RSPO2: variants seen among roughly 807,000 people sequenced by gnomAD.
RSPO2 encodes R-spondin 2.
A neutral mutation model predicts 30.9 loss-of-function variants in RSPO2; 14 were observed. The observed-to-expected ratio is 0.45, with a 90% confidence interval of 0.30 to 0.71. The LOEUF (loss-of-function observed/expected upper bound fraction) is 0.71. Among genes scored for constraint, RSPO2 ranks in the 30% least tolerant of loss-of-function variants. RSPO2 has a pLI of 0.08. For synonymous variants in RSPO2, 107 were observed against 96.4 expected (o/e 1.11, Z -0.64); for missense variants, 264 against 301.9 (o/e 0.87, Z 0.93).
chr8:108,053,692 A>C (rs1812145517), intron 2 of RSPO2, among the ~76,000 whole-genome samples: 1 of 152,214 alleles, frequency 6.6e-6, no homozygotes, highest in African/African-American at 2.4e-5. Flanking sequence ...GACATGACTT[A>C]ATATGTGATT....
At chr8:107,970,844 A>G (rs1813971777) in intron 3 of RSPO2, among the ~76,000 whole-genome samples, 1 of 152,238 alleles carries the variant, frequency 6.6e-6, no homozygotes, top group Admixed American at 6.5e-5. Context: ...ATTTATGTCC[A>G]GTCCTGTAGT....
chr8:108,005,930 C>T (rs185167712), intron 2 of RSPO2, among the ~76,000 whole-genome samples: 1 of 152,150 alleles, frequency 6.6e-6, no homozygotes, highest in East Asian at 1.9e-4. Context: ...ATTGTATTGG[C>T]CATTTATCTT....
At chr8:107,931,859 A>C (rs1304704671) in intron 5 of RSPO2, among the ~76,000 whole-genome samples, 1 of 152,218 alleles carries the variant, frequency 6.6e-6, no homozygotes, top group Non-Finnish European at 1.5e-5. Flanking sequence ...GAGGGGATTA[A>C]GAATGACAAA....
intron 5 of RSPO2, among the ~76,000 whole-genome samples, chr8:107,938,361 T>C (rs1254472619): frequency 6.6e-6 from 1 of 152,184 alleles, no homozygotes; most frequent in Non-Finnish European, 1.5e-5. Flanking sequence ...CTTTCATTTA[T>C]GAATTCCTAC....
At chr8:108,016,252 C>CCACAAAAACGGAAGTA (rs1810887212) in intron 2 of RSPO2, among the ~76,000 whole-genome samples, 1 of 152,116 alleles carries the variant, frequency 6.6e-6, no homozygotes, top group Non-Finnish European at 1.5e-5. Flanking sequence ...GATATATGCT[C>CCACAAAAACGGAAGTA]CACAAAAACG....
At chr8:107,983,682 T>C (rs1443925346) in intron 3 of RSPO2, 1 of 1,594,638 alleles carries the variant, frequency 6.3e-7, no homozygotes, top group East Asian at 2.2e-5. Flanking sequence ...TGGCAGAGAA[T>C]TAAAGATTAA....
intron 5 of RSPO2, among the ~76,000 whole-genome samples, chr8:107,903,380 AG>A (rs1262934301): frequency 3.3e-5 from 5 of 152,142 alleles, no homozygotes; most frequent in Non-Finnish European, 4.4e-5. Context: ...TGTAGTTGTG[AG>A]TTAAATATGT....
At chr8:107,991,373 C>T (rs1586607699) in intron 2 of RSPO2, among the ~76,000 whole-genome samples, 1 of 151,998 alleles carries the variant, frequency 6.6e-6, no homozygotes, top group African/African-American at 2.4e-5. Flanking sequence ...AACTGGACCC[C>T]TTCCTTATGC....
chr8:108,025,839 G>A (rs1811199765), intron 2 of RSPO2, among the ~76,000 whole-genome samples: 2 of 152,072 alleles, frequency 1.3e-5, no homozygotes, highest in African/African-American at 4.8e-5. Context: ...CTTCTTTGCA[G>A]AATTCCAGTT....
rs150086944 is a variant in RSPO2 at position 108,075,934 on chromosome 8, G to A, written c.94+6611C>T. 1.4e-4 allele frequency among the ~76,000 whole-genome samples: 21 copies of A among 152,258 alleles called. No homozygotes were observed. In the East Asian group the frequency reaches 2.9e-3, roughly 21 times the overall value. ...TGAGGAGTACAAAGATAAATGTACC[G>A]TAGTTCTGCCTAAGAGAAGCTTAAA... On this transcript the variant is annotated intron_variant, in intron 2 of 5. Transcript: ENST00000276659.
chr8:108,000,532 G>C (rs1350683392), intron 2 of RSPO2, among the ~76,000 whole-genome samples: 1 of 150,994 alleles, frequency 6.6e-6, no homozygotes, highest in East Asian at 1.9e-4. Flanking sequence ...TGAGAGTTTT[G>C]TGTTTTTTTT....
chr8:107,920,027 C>A (rs1043640012), intron 5 of RSPO2, among the ~76,000 whole-genome samples: 1 of 151,922 alleles, frequency 6.6e-6, no homozygotes, highest in Non-Finnish European at 1.5e-5. Context: ...TAGCTAGGGA[C>A]AGGGCAAGAC....
chr8:108,082,960 C>G (rs961571265), intron 1 of RSPO2, 153 bp from the exon 2 acceptor site: 3 of 303,306 alleles, frequency 9.9e-6, no homozygotes, highest in African/African-American at 2.2e-5. Context: ...TAATCCAGAG[C>G]GGGCAGCTGC....
intron 2 of RSPO2, among the ~76,000 whole-genome samples, chr8:107,992,174 T>TACACACAC (rs35054419): frequency 0.021 from 3,015 of 142,028 alleles, 70 homozygotes; most frequent in African/African-American, 0.051. Flanking sequence ...GAAAATGTGA[T>TACACACAC]ACACACACAC....
intron 5 of RSPO2, among the ~76,000 whole-genome samples, chr8:107,928,543 C>T (rs2130336888): frequency 6.6e-6 from 1 of 152,254 alleles, no homozygotes; most frequent in South Asian, 2.1e-4. Flanking sequence ...AGGAGAAATG[C>T]CATTCCAAAT....
chr8:107,901,287 G>A, intron 5 of RSPO2, 97 bp from the exon 6 acceptor site: 5 of 1,330,070 alleles, frequency 3.8e-6, no homozygotes, highest in South Asian at 1.5e-5. Context: ...AAGCCCATCT[G>A]GAAAACATCA....
chr8:108,051,392 A>G (rs1351345594), intron 2 of RSPO2, among the ~76,000 whole-genome samples: 2 of 152,190 alleles, frequency 1.3e-5, no homozygotes, highest in African/African-American at 2.4e-5. Context: ...AGCAGGGGGA[A>G]AAAACGGCTA....
intron 2 of RSPO2, among the ~76,000 whole-genome samples, chr8:108,060,989 G>C (rs1359423263): frequency 6.6e-6 from 1 of 151,780 alleles, no homozygotes; most frequent in Non-Finnish European, 1.5e-5. Flanking sequence ...AATGCTGAGA[G>C]ATTCTGTCAC....
rs139751356 is a variant in RSPO2, at chr8:107,925,118, G to A, written c.617-23928C>T. ...ATGCATTTTTGAATGAATTCAGAGT[G>A]ATATGATGGATTTAGAGGCTTGGCA... On this transcript the variant is annotated intron_variant, in intron 5 of 5. Coordinates refer to ENST00000276659, the MANE Select transcript of RSPO2 (RefSeq NM_178565.5). 3.6e-4 allele frequency among the ~76,000 whole-genome samples: 54 copies of A among 152,020 alleles called. 1 individual carries two copies. In the East Asian group the frequency reaches 5.6e-3, roughly 16 times the overall value.
Sources: allele counts gnomAD v4.1 joint callset (sites outside exome capture counted in the v4.1 genomes callset), GRCh38; gene constraint gnomAD v4.1.1; transcripts MANE v1.5; gene names NCBI Gene and HGNC (gene_info 2026-07-23, HGNC 2026-07-21).